Variants in LHCGR observed in about 807,000 individuals in gnomAD.
LHCGR encodes luteinizing hormone/choriogonadotropin receptor.
Under a neutral mutation model 60.7 loss-of-function variants are expected in LHCGR, and 55 were observed. The observed-to-expected ratio is 0.91, with a 90% CI of 0.73 to 1.13. The LOEUF is 1.13. Ranked by LOEUF, LHCGR falls within the 50% of genes most tolerant of loss-of-function variation. The pLI is 0.00. For synonymous variants in LHCGR, 337 were observed against 316.5 expected, an observed-to-expected ratio of 1.06 and a Z score of -0.69; for missense variants, 862 against 836.0, an observed-to-expected ratio of 1.03 and a Z score of -0.38.
intron 1 of LHCGR, among the ~76,000 whole-genome samples, chr2:48,751,558 A>G (rs1669956689): frequency 6.6e-6 from 1 of 151,984 alleles, no homozygotes. Context: ...CTACACCTAT[A>G]CCAGTCTCTT....
At chr2:48,701,842 A>T (rs960231220) in intron 8 of LHCGR, among the ~76,000 whole-genome samples, 3 of 152,230 alleles carry the variant, frequency 2.0e-5, no homozygotes, top group African/African-American at 7.2e-5. Flanking sequence ...CAAACAAATG[A>T]ACTGGGTTAC....
chr2:48,729,304 G>T, intron 2 of LHCGR, 77 bp from the exon 3 acceptor site: 1 of 1,114,812 alleles, frequency 9.0e-7, no homozygotes, highest in Non-Finnish European at 1.4e-6. Context: ...TGAGCTATGT[G>T]TGTGACCCAA....
chr2:48,697,689 T>C (rs949954481), intron 9 of LHCGR, among the ~76,000 whole-genome samples: 8 of 152,192 alleles, frequency 5.3e-5, no homozygotes, highest in African/African-American at 1.9e-4. Context: ...CTCAGTGCCT[T>C]ATCTAAGTAA....
chr2:48,718,135 A>T (rs944377708), intron 6 of LHCGR, among the ~76,000 whole-genome samples: 20 of 152,106 alleles, frequency 1.3e-4, no homozygotes, highest in Non-Finnish European at 2.4e-4. Context: ...TTAAATGAGG[A>T]AGGCTTCCTT....
In LHCGR at chr2:48,755,529, G is replaced by T; in HGVS notation, c.143C>A (p.Thr48Lys). 6.5e-7 allele frequency: 1 copy of T among 1,540,964 alleles called. No individual in the cohort carries two copies. The highest frequency in any genetic ancestry group is 8.7e-7 in the Non-Finnish European group (1 of 1,143,594). Reference protein sequence around the residue: ...PDGALRCPGPTAGLTRLSLAY... With the variant: ...PDGALRCPGPKAGLTRLSLAY... ...TACTCACAGTCGAGTGAGACCGGCC[G>T]TGGGGCCGGGGCAGCGCAGGGCGCC... Residue 48 changes from threonine to lysine, a missense_variant, in exon 1 of 11, where the codon ACG (threonine) becomes AAG (lysine). Coordinates refer to ENST00000294954, the MANE Select transcript of LHCGR (RefSeq NM_000233.4).
chr2:48,708,641 C>T (rs1337003566), intron 8 of LHCGR: 5 of 508,838 alleles, frequency 9.8e-6, no homozygotes, highest in Middle Eastern at 5.4e-4. Context: ...AGAACTAGCA[C>T]AAGCTAGGAG....
At chr2:48,711,624 T>C (rs1667992775) in intron 7 of LHCGR, among the ~76,000 whole-genome samples, 1 of 152,190 alleles carries the variant, frequency 6.6e-6, no homozygotes, top group Admixed American at 6.5e-5. Context: ...AAATTTCTGT[T>C]TTTCCTGACC....
intron 8 of LHCGR, among the ~76,000 whole-genome samples, chr2:48,703,173 C>T (rs1667495064): frequency 6.6e-6 from 1 of 152,130 alleles, no homozygotes; most frequent in African/African-American, 2.4e-5. Flanking sequence ...TGGATATTAG[C>T]CCTTTGTCAA....
intron 1 of LHCGR, among the ~76,000 whole-genome samples, chr2:48,734,086 T>C (rs1669117629): frequency 6.6e-6 from 1 of 152,192 alleles, no homozygotes; most frequent in Non-Finnish European, 1.5e-5. Context: ...CATTGTGGCA[T>C]CAGGGGCTTG....
chr2:48,697,648 A>C (rs555500043), intron 9 of LHCGR, among the ~76,000 whole-genome samples: 1 of 152,296 alleles, frequency 6.6e-6, no homozygotes, highest in South Asian at 2.1e-4. Context: ...GGTTGATTCC[A>C]AACAAAGACA....
At chr2:48,714,699 G>T (rs1156524447) in intron 6 of LHCGR, among the ~76,000 whole-genome samples, 1 of 152,028 alleles carries the variant, frequency 6.6e-6, no homozygotes, top group African/African-American at 2.4e-5. Context: ...TAATGTTTAT[G>T]AAACTTTATC....
intron 6 of LHCGR, chr2:48,721,795 A>G (rs1668509439): frequency 2.1e-6 from 1 of 471,022 alleles, no homozygotes; most frequent in South Asian, 1.5e-5. Flanking sequence ...ACCAAAGCAG[A>G]AAGAGTGAGA....
chr2:48,692,886 A>G (rs976142424), intron 10 of LHCGR, among the ~76,000 whole-genome samples: 1 of 152,314 alleles, frequency 6.6e-6, no homozygotes, highest in South Asian at 2.1e-4. Context: ...TGTTAATTTC[A>G]GTTAGTTTTG....
Position 48,750,045 on chromosome 2 carries a change from A to G in LHCGR, c.161+5466T>C, listed in dbSNP as rs150443712. Among the ~76,000 whole-genome samples, 68 of 152,280 alleles carry G rather than the reference A, an allele frequency of 4.5e-4. No individual in the cohort carries two copies. In the East Asian group the frequency reaches 9.3e-3, roughly 21 times the overall value. The stretch of plus-strand genomic sequence containing the variant: ...GAACTAAGGTTCCAGATTAACCTCA[A>G]CCTTGGGCCTTTGTTTCTTTAGGGG... On this transcript the variant is annotated intron_variant, in intron 1 of 10. Transcript: ENST00000294954.
Position 48,755,574 on chromosome 2 carries a change from G to T in LHCGR, c.98C>A (p.Pro33His). ...RALREALCPE[P>H]CNCVPDGALR... ...GGCGCCGTCGGGCACGCAGTTGCAGGGCTCAGGGCAGAGCGCCTCGCGCAG... is the reference window on the plus strand; with the variant it reads ...GGCGCCGTCGGGCACGCAGTTGCAGTGCTCAGGGCAGAGCGCCTCGCGCAG... The change falls in exon 1 of 11, where the codon CCC (proline) becomes CAC (histidine). Residue 33 changes from proline to histidine, a missense_variant. Pro to His is a moderately conservative substitution (Grantham distance 77). Transcript: ENST00000294954. 1 of 1,539,810 alleles carries T rather than the reference G, an allele frequency of 6.5e-7. No homozygotes were observed.
chr2:48,745,880 GA>G (rs554436241), intron 1 of LHCGR, among the ~76,000 whole-genome samples: 7,050 of 145,622 alleles, frequency 0.048, 221 homozygotes, highest in Non-Finnish European at 0.058. Context: ...AAAATTAAAA[GA>G]AAAAAAAAAG....
In LHCGR at chr2:48,688,489, C is replaced by T. The variant is rs781308880; in HGVS notation, c.1308G>A (p.Gly436=). ...YYNHAIDWQT[G]SGCSTAGFFT... ...AAAAGCCAGCAGTGCTGCACCCACT[C>T]CCTGTCTGCCAGTCTATGGCATGGT... is the stretch of plus-strand genomic sequence containing the variant. The change falls in exon 11 of 11, where the codon GGG becomes GGA. Residue 436 remains glycine (G), a synonymous_variant. Coordinates refer to ENST00000294954, the MANE Select transcript of LHCGR (RefSeq NM_000233.4). This position sits in a 1 kb window ranked among gnomAD's most constrained non-coding sequence, Gnocchi z 5.2. 2.5e-6 allele frequency: 4 copies of T among 1,614,170 alleles called. No homozygotes were observed. The East Asian group carries it at 6.7e-5, about 27-fold the overall frequency.
At chr2:48,751,712 A>G (rs1318241001) in intron 1 of LHCGR, among the ~76,000 whole-genome samples, 3 of 152,250 alleles carry the variant, frequency 2.0e-5, no homozygotes, top group Non-Finnish European at 1.5e-5. Context: ...CTGGATCGAT[A>G]TGAACATTGC....
At position 48,688,831 on chromosome 2, in the gene LHCGR, A is replaced by G. The variant is rs370857465; in HGVS notation, c.966T>C (p.Ala322=). Residue 322 remains alanine (A), a synonymous_variant, in exon 11 of 11, where the codon GCT becomes GCC. Coordinates refer to ENST00000294954, the MANE Select transcript of LHCGR (RefSeq NM_000233.4). This position sits in a 1 kb window ranked among gnomAD's most constrained non-coding sequence, Gnocchi z 5.2. ...AGTCCCAGCCACTCAGTTCACTCTC[A>G]GCAAGCATGGAAGAATAACTGTAAG... ...NNKTLYSSML[A]ESELSGWDYE... The G allele has an allele frequency of 1.1e-5, 18 of 1,611,324 alleles. No homozygotes were observed. The highest frequency in any genetic ancestry group is 1.5e-5 in the Non-Finnish European group (18 of 1,177,564).
Sources: gnomAD v4.1 joint callset for allele counts (sites outside exome capture counted in the v4.1 genomes callset) on GRCh38, gnomAD v4.1.1 for gene constraint, Gnocchi (gnomAD v3.1) non-coding constraint, MANE v1.5 for transcripts, NCBI Gene and HGNC (gene_info 2026-07-23, HGNC 2026-07-21) for gene names.